Variants in PLB1 observed in about 807,000 individuals in gnomAD.
PLB1 encodes phospholipase B1, membrane-associated.
In PLB1, 242 loss-of-function variants were observed where a neutral mutation model predicts 227.4. That is an observed-to-expected ratio of 1.06 (90% confidence interval 0.96 to 1.18). The LOEUF is 1.18. Among genes scored for constraint, PLB1 ranks in the 50% most tolerant of loss-of-function variants. The probability of loss-of-function intolerance (pLI) is 0.00; values close to 1 mark genes in which losing one functional copy is unlikely to be tolerated. For synonymous variants in PLB1, 757 were observed against 682.2 expected (o/e 1.11, Z -1.71); for missense variants, 1,858 against 1,816.3 (o/e 1.02, Z -0.42).
chr2:28,558,395 T>C (rs965989160), intron 17 of PLB1, among the ~76,000 whole-genome samples: 2 of 152,222 alleles, frequency 1.3e-5, no homozygotes, highest in African/African-American at 4.8e-5. Context: ...ATACAGTGTT[T>C]GACTGTTATC....
In PLB1 at chr2:28,598,015, G is replaced by A. The variant is rs552024753; in HGVS notation, c.2332G>A (p.Asp778Asn). Residue 778 changes from aspartate (D) to asparagine (N), a missense_variant, in exon 34 of 58, where the codon GAC becomes AAC. Transcript: ENST00000327757. ...YRGLSYSAGG[D>N]GSLENVTTLP... is the part of the protein sequence containing the mutation. ...GCTCACTCCCTACAGTGCAGGAGGG[G>A]ACGGCTCCCTGGAGAATGTGACCAC... 1.6e-4 allele frequency: 260 copies of A among 1,613,388 alleles called. 3 individuals are homozygous for A. The South Asian group carries it at 2.1e-3, about 13-fold the overall frequency.
intron 31 of PLB1, among the ~76,000 whole-genome samples, chr2:28,592,341 G>A (rs975901623): frequency 1.6e-4 from 24 of 152,050 alleles, no homozygotes; most frequent in African/African-American, 5.8e-4. Context: ...ACTAAAATGA[G>A]CTCCTACTCT....
At chr2:28,544,077 A>G (rs1330997293) in intron 14 of PLB1, among the ~76,000 whole-genome samples, 1 of 152,242 alleles carries the variant, frequency 6.6e-6, no homozygotes, top group South Asian at 2.1e-4. Flanking sequence ...CGTCTCCACA[A>G]CTGACATACT....
intron 43 of PLB1, among the ~76,000 whole-genome samples, chr2:28,608,048 C>T (rs11686143): frequency 0.17 from 26,111 of 152,156 alleles, 2,783 homozygotes; most frequent in East Asian, 0.53. Context: ...AAGGAGGCTG[C>T]TCCACCCAGC....
Position 28,640,919 on chromosome 2 carries a change from C to G in PLB1, c.4099-8C>G. The G allele has an allele frequency of 6.2e-7, 1 of 1,612,682 alleles. No homozygotes were observed. ...GAGAGAATCGAGGTGTCCTTTCTCT[C>G]TCTCCAGCTGGAACCAGTGGGCCGC... On this transcript the variant is annotated splice_polypyrimidine_tract_variant and splice_region_variant and intron_variant, in intron 56 of 57. Transcript: ENST00000327757.
intron 48 of PLB1, 29 bp from the exon 49 acceptor site, chr2:28,620,850 G>A: frequency 6.3e-7 from 1 of 1,586,838 alleles, no homozygotes; most frequent in Non-Finnish European, 8.7e-7. Context: ...TCTCACCTGT[G>A]CTCTTCTCCT....
chr2:28,641,437 G>A (rs531560797), intron 57 of PLB1, among the ~76,000 whole-genome samples: 5 of 152,122 alleles, frequency 3.3e-5, no homozygotes, highest in African/African-American at 7.2e-5. Flanking sequence ...GTGAAACCCC[G>A]TCTCTAGTAA....
At chr2:28,613,931 T>A in intron 43 of PLB1, 100 bp from the exon 44 acceptor site, 1 of 950,212 alleles carries the variant, frequency 1.1e-6, no homozygotes, top group South Asian at 1.4e-5. Flanking sequence ...AGAAGAATCA[T>A]GTTAAATAAA....
intron 55 of PLB1, among the ~76,000 whole-genome samples, chr2:28,632,506 C>G (rs1187134335): frequency 6.6e-6 from 1 of 152,102 alleles, no homozygotes; most frequent in Non-Finnish European, 1.5e-5. Flanking sequence ...AAAGAAAATT[C>G]CGGCCGGGTG....
At chr2:28,641,477 G>C (rs575733741) in intron 57 of PLB1, among the ~76,000 whole-genome samples, 119 of 152,238 alleles carry the variant, frequency 7.8e-4, no homozygotes, top group African/African-American at 1.1e-3. Context: ...GCATGGTGGC[G>C]GGCGCCTGTC....
chr2:28,576,783 G>A (rs1679030645), intron 21 of PLB1, among the ~76,000 whole-genome samples: 1 of 152,134 alleles, frequency 6.6e-6, no homozygotes. Flanking sequence ...CTGTTCCATC[G>A]ACAGAGCAGC....
intron 1 of PLB1, among the ~76,000 whole-genome samples, chr2:28,509,726 C>T (rs1668015916): frequency 6.6e-6 from 1 of 152,168 alleles, no homozygotes. Flanking sequence ...CAAAGCCCTT[C>T]ATATATCCAT....
chr2:28,621,108 A>T (rs143909581), intron 49 of PLB1, 130 bp downstream of exon 49: 1 of 701,764 alleles, frequency 1.4e-6, no homozygotes, highest in Non-Finnish European at 2.4e-6. Flanking sequence ...AGGACTTTCT[A>T]TGTGAATTAT....
Position 28,620,300 on chromosome 2 carries a change from C to G in PLB1, c.3351C>G (p.Asp1117Glu). 2 of 1,606,318 alleles carry G rather than the reference C, an allele frequency of 1.2e-6. No homozygotes were observed. Among genetic ancestry groups the G allele is most frequent in the Non-Finnish European group, 1.7e-6 (2 of 1,175,958 alleles). ...AVGARPNNSS[D>E]LPTSWRGLSW... ...GAGCTCGACCAAACAACTCCAGTGA[C>G]CTACCCACATCTTGGAGGGGACTCT... The change falls in exon 47 of 58, where the codon GAC becomes GAG. Residue 1117 changes from aspartate (D) to glutamate (E), a missense_variant. Asp to Glu is a conservative substitution (Grantham distance 45, BLOSUM62 2). Transcript: ENST00000327757.
At position 28,643,084 on chromosome 2, in the gene PLB1, T is replaced by C; in HGVS notation, c.*23T>C. ...TAGGCCCGGGGGTGGGTCCTCACCC[T>C]AAACTCCCTATAGCCACTCTCTTCA... On this transcript the variant is annotated 3_prime_UTR_variant, in exon 58 of 58. Coordinates refer to ENST00000327757, the MANE Select transcript of PLB1 (RefSeq NM_153021.5). The C allele has an allele frequency of 1.3e-6, 2 of 1,562,096 alleles. No homozygotes were observed. The highest frequency in any genetic ancestry group is 8.7e-7 in the Non-Finnish European group (1 of 1,151,868).
chr2:28,521,204 T>C (rs1669490114), intron 4 of PLB1, among the ~76,000 whole-genome samples: 1 of 152,224 alleles, frequency 6.6e-6, no homozygotes. Flanking sequence ...CCTCCACCTC[T>C]TGGCTGTTGC....
chr2:28,598,790 C>T (rs1683395047), intron 35 of PLB1, 30 bp downstream of exon 35: 2 of 1,567,906 alleles, frequency 1.3e-6, no homozygotes, highest in East Asian at 2.2e-5. Flanking sequence ...AGGGAGCCTG[C>T]AGAGCAGGGA....
At chr2:28,610,503 G>A (rs1049281229) in intron 43 of PLB1, among the ~76,000 whole-genome samples, 5 of 152,080 alleles carry the variant, frequency 3.3e-5, no homozygotes, top group African/African-American at 7.2e-5. Flanking sequence ...AGGACATCCC[G>A]TGAAATACCA....
At chr2:28,614,126 A>G (rs1685859608) in intron 44 of PLB1, 30 bp downstream of exon 44, 1 of 1,578,680 alleles carries the variant, frequency 6.3e-7, no homozygotes, top group East Asian at 2.2e-5. Flanking sequence ...TGCCTCTCTC[A>G]GACACAAACC....
Sources: allele counts gnomAD v4.1 joint callset (sites outside exome capture counted in the v4.1 genomes callset), GRCh38; gene constraint gnomAD v4.1.1; transcripts MANE v1.5; gene names NCBI Gene and HGNC (gene_info 2026-07-23, HGNC 2026-07-21).